Variants in MRPL20 observed in about 807,000 individuals in gnomAD.
The protein encoded by MRPL20 is large ribosomal subunit protein bL20m.
A neutral mutation model predicts 20.0 loss-of-function variants in MRPL20; 21 were observed. The ratio of observed to expected loss-of-function variants is 1.05; its 90% CI spans 0.74 to 1.51. The LOEUF (loss-of-function observed/expected upper bound fraction) is 1.51, where lower values mean the gene tolerates loss of function less well. Ranked by LOEUF, MRPL20 falls within the 40% of genes most tolerant of loss-of-function variation. The pLI is 0.00. For synonymous variants in MRPL20, 104 were observed against 73.0 expected (o/e 1.43, Z -2.17); for missense variants, 252 against 185.6 (o/e 1.36, Z -2.08).
intron 2 of MRPL20, chr1:1,406,165 G>A: frequency 2.8e-6 from 1 of 363,386 alleles, no homozygotes; most frequent in South Asian, 3.4e-5. Context: ...AGACCAGCCT[G>A]ACCAACATGG....
At chr1:1,406,657 G>C (rs947844864) in intron 2 of MRPL20, 3 of 535,430 alleles carry the variant, frequency 5.6e-6, no homozygotes, top group Non-Finnish European at 1.0e-5. Flanking sequence ...CGCAGGGAGA[G>C]TGTCAAGGCG....
chr1:1,402,451 G>T (rs1452711312), intron 3 of MRPL20, 195 bp from the exon 4 acceptor site: 5 of 1,361,012 alleles, frequency 3.7e-6, no homozygotes, highest in Non-Finnish European at 4.7e-6. Flanking sequence ...GGACACGGGT[G>T]AGGGAAGCAC....
intron 3 of MRPL20, among the ~76,000 whole-genome samples, chr1:1,404,655 C>T (rs1223768050): frequency 4.0e-5 from 6 of 151,308 alleles, no homozygotes; most frequent in Non-Finnish European, 1.5e-5. Context: ...TGCCGGCCAC[C>T]ATGCCCAGCT....
chr1:1,403,148 A>C (rs916471513), intron 3 of MRPL20, among the ~76,000 whole-genome samples: 7 of 150,236 alleles, frequency 4.7e-5, no homozygotes, highest in East Asian at 4.0e-4. Flanking sequence ...AGGAACAAAA[A>C]CACAAAATTC....
chr1:1,406,883 G>A (rs376257874), intron 2 of MRPL20, 26 bp downstream of exon 2: 15 of 1,592,374 alleles, frequency 9.4e-6, no homozygotes, highest in Non-Finnish European at 1.3e-5. Flanking sequence ...TGCGCTGGCC[G>A]GCGGGTGTCC....
rs1186582850 is a variant in MRPL20 at position 1,405,432 on chromosome 1, C to A, written c.276+377G>T. The A allele has an allele frequency of 4.4e-5, 26 of 590,204 alleles. 1 individual carries two copies. The Admixed American group carries it at 4.5e-4, about 10-fold the overall frequency. 36.6% of individuals were successfully genotyped at this position (590,204 alleles called of 1,614,324 possible). A position where few individuals can be genotyped will look rare whatever the true frequency, so the allele number is the denominator to read the frequency against. On this transcript the variant is annotated intron_variant, in intron 3 of 3. Transcript: ENST00000344843. Reference sequence around the variant, plus strand: ...GCTGACATTACATGTCTCTGTACCACCACACCCAGCAAATTTTATTTTTTT... The same window carrying A: ...GCTGACATTACATGTCTCTGTACCAACACACCCAGCAAATTTTATTTTTTT...
chr1:1,405,282 T>G (rs1321664518), intron 3 of MRPL20: 3 of 222,296 alleles, frequency 1.3e-5, no homozygotes, highest in Non-Finnish European at 2.7e-5. Flanking sequence ...GCCATGGCTT[T>G]CTTTATTCTG....
chr1:1,407,032 A>G lies in MRPL20; in HGVS notation c.88-13T>C, dbSNP rs1384945184. The G allele has an allele frequency of 6.2e-7, 1 of 1,612,428 alleles. No homozygotes were observed. Among genetic ancestry groups the G allele is most frequent in the Non-Finnish European group, 8.5e-7 (1 of 1,178,676 alleles). On this transcript the variant is annotated splice_polypyrimidine_tract_variant and intron_variant, in intron 1 of 3. Coordinates refer to ENST00000344843, the MANE Select transcript of MRPL20 (RefSeq NM_017971.4). ...TTCCCCGGAAGTGCTGGGACAGAAA[A>G]CGAGAAACCAGGGTTGTCAGCGGGG...
In MRPL20 at chr1:1,407,269, C is replaced by T. The variant is rs753784321; in HGVS notation, c.-52G>A. The T allele has an allele frequency of 2.0e-6, 3 of 1,478,850 alleles. No homozygotes were observed. Among genetic ancestry groups the T allele is most frequent in the Non-Finnish European group, 2.8e-6 (3 of 1,083,026 alleles). The allele number at this position is 1,478,850 out of a possible 1,614,324, so 91.6% of individuals were successfully genotyped here. On this transcript the variant is annotated 5_prime_UTR_variant, in exon 1 of 4. Coordinates refer to ENST00000344843, the MANE Select transcript of MRPL20 (RefSeq NM_017971.4). ...ACTCAACAACGCACGCGCAGCGCCG[C>T]TGCCATCTTGCCCGGGTCGGAAATG...
rs770719179 is a variant in MRPL20 at position 1,407,027 on chromosome 1, A to G, written c.88-8T>C. ...TTTCCTTCCCCGGAAGTGCTGGGAC[A>G]GAAAACGAGAAACCAGGGTTGTCAG... is the stretch of plus-strand genomic sequence containing the variant. On this transcript the variant is annotated splice_polypyrimidine_tract_variant and splice_region_variant and intron_variant, in intron 1 of 3. Transcript: ENST00000344843. The G allele has an allele frequency of 1.9e-6, 3 of 1,612,746 alleles. No individual in the cohort carries two copies. Among genetic ancestry groups the G allele is most frequent in the Non-Finnish European group, 1.7e-6 (2 of 1,178,892 alleles).
chr1:1,406,062 C>T (rs1449549354), intron 2 of MRPL20, 176 bp from the exon 3 acceptor site: 2 of 930,250 alleles, frequency 2.1e-6, no homozygotes, highest in Non-Finnish European at 3.1e-6. Context: ...AAATTAAAAA[C>T]AGCAAAAACC....
At chr1:1,406,056 TA>T in intron 2 of MRPL20, 170 bp from the exon 3 acceptor site, 1 of 1,034,756 alleles carries the variant, frequency 9.7e-7, no homozygotes, top group Non-Finnish European at 1.4e-6. Context: ...GTTTCAAAAT[TA>T]AAAACAGCAA....
Position 1,406,034 on chromosome 1 carries a change from A to G in MRPL20, c.199-148T>C, listed in dbSNP as rs1645380851. ...GGTGCCATCACTCTGGCCTAAGCGA[A>G]ATCAAGACCCTGTTTCAAAATTAAA... On this transcript the variant is annotated intron_variant, in intron 2 of 3. Coordinates refer to ENST00000344843, the MANE Select transcript of MRPL20 (RefSeq NM_017971.4). 2.6e-6 allele frequency: 3 copies of G among 1,168,108 alleles called. No homozygotes were observed. The South Asian group carries it at 4.9e-5, about 19-fold the overall frequency. 72.4% of individuals were successfully genotyped at this position (1,168,108 alleles called of 1,614,324 possible). A position where few individuals can be genotyped will look rare whatever the true frequency, so the allele number is the denominator to read the frequency against.
At chr1:1,406,159 CA>C (rs1645382006) in intron 2 of MRPL20, 1 of 379,698 alleles carries the variant, frequency 2.6e-6, no homozygotes, top group Admixed American at 4.3e-5. Flanking sequence ...AGTTCGAGAC[CA>C]GCCTGACCAA....
chr1:1,402,866 T>C (rs973728488), intron 3 of MRPL20, among the ~76,000 whole-genome samples: 2 of 152,128 alleles, frequency 1.3e-5, no homozygotes, highest in East Asian at 3.9e-4. Context: ...CGGTGGCTCA[T>C]GCCTGTAATC....
At chr1:1,402,284 TGTCA>T (rs1384067897) in intron 3 of MRPL20, 28 bp from the exon 4 acceptor site, 1 of 1,592,376 alleles carries the variant, frequency 6.3e-7, no homozygotes, top group Admixed American at 1.7e-5. Context: ...CAGAACCTGC[TGTCA>T]GTGTGAGACA....
At chr1:1,405,989 C>T (rs918668783) in intron 2 of MRPL20, 103 bp from the exon 3 acceptor site, 4 of 1,461,316 alleles carry the variant, frequency 2.7e-6, no homozygotes, top group Non-Finnish European at 3.7e-6. Flanking sequence ...AAGTAAATAG[C>T]AAAATCAGTG....
intron 2 of MRPL20, 82 bp downstream of exon 2, chr1:1,406,827 G>T: frequency 8.3e-7 from 1 of 1,210,034 alleles, no homozygotes; most frequent in Non-Finnish European, 1.2e-6. Flanking sequence ...TGGCCGGGCG[G>T]CTGCACACTA....
At chr1:1,406,397 G>A (rs1645384332) in intron 2 of MRPL20, 1 of 185,790 alleles carries the variant, frequency 5.4e-6, no homozygotes, top group Non-Finnish European at 1.2e-5. Flanking sequence ...GGTTCATGAG[G>A]CTGAGACGGG....
Sources: allele counts gnomAD v4.1 joint callset (sites outside exome capture counted in the v4.1 genomes callset), GRCh38; gene constraint gnomAD v4.1.1; transcripts MANE v1.5; gene names NCBI Gene and HGNC (gene_info 2026-07-23, HGNC 2026-07-21).